Variants in C12orf42 observed in about 807,000 individuals in gnomAD.
C12orf42 encodes uncharacterized protein C12orf42.
C12orf42 carries 25 observed loss-of-function variants against 21.6 expected under a neutral mutation model. The observed-to-expected ratio is 1.16, with a 90% CI of 0.84 to 1.62. The LOEUF (loss-of-function observed/expected upper bound fraction) is 1.62. C12orf42 is among the 40% of genes most tolerant of loss of function. The probability of loss-of-function intolerance (pLI) is 0.00; values close to 1 mark genes in which losing one functional copy is unlikely to be tolerated. For synonymous variants in C12orf42, 174 were observed against 175.0 expected (o/e 0.99, Z 0.05); for missense variants, 483 against 459.3 (o/e 1.05, Z -0.47).
chr12:103,271,954 A>G (rs2035499787), intron 5 of C12orf42, among the ~76,000 whole-genome samples: 1 of 152,186 alleles, frequency 6.6e-6, no homozygotes, highest in Admixed American at 6.5e-5. Context: ...TAGCTCTATT[A>G]CCAACTCTGT....
chr12:103,185,911 A>G, the C12orf42 span, among the ~76,000 whole-genome samples: 1 of 152,156 alleles, frequency 6.6e-6, no homozygotes, highest in Non-Finnish European at 1.5e-5. Context: ...CAGCAGCATG[A>G]AAATGTACTA....
the C12orf42 span, among the ~76,000 whole-genome samples, chr12:103,140,523 C>T: frequency 2.0e-5 from 3 of 152,080 alleles, no homozygotes; most frequent in South Asian, 2.1e-4. Flanking sequence ...TGGCCAACAC[C>T]GCAAAAGAGT....
downstream of C12orf42, among the ~76,000 whole-genome samples, chr12:103,232,710 CAAA>C (rs36070550): frequency 1.7e-5 from 2 of 115,340 alleles, no homozygotes; most frequent in Admixed American, 9.5e-5. Flanking sequence ...GACTCCGTCT[CAAA>C]AAAAAAAAAA....
the C12orf42 span, among the ~76,000 whole-genome samples, chr12:103,133,175 G>A: frequency 8.5e-5 from 13 of 152,220 alleles, no homozygotes; most frequent in African/African-American, 1.7e-4. Flanking sequence ...CCACCACAGC[G>A]GGCTCCCATC....
chr12:103,276,382 G>A (rs186009281), intron 5 of C12orf42, among the ~76,000 whole-genome samples: 5 of 152,196 alleles, frequency 3.3e-5, no homozygotes, highest in Non-Finnish European at 1.5e-5. Context: ...GTTAATCCTT[G>A]ATAATTACTT....
chr12:103,131,525 T>C, the C12orf42 span, among the ~76,000 whole-genome samples: 1 of 152,250 alleles, frequency 6.6e-6, no homozygotes, highest in East Asian at 1.9e-4. Flanking sequence ...AATAGAATCA[T>C]CTGTAGTTGA....
Position 103,251,070 on chromosome 12 carries a change from G to A in C12orf42, c.*1366+12256C>T, listed in dbSNP as rs547312192. 3.9e-5 allele frequency among the ~76,000 whole-genome samples: 6 copies of A among 152,236 alleles called. No individual in the cohort carries two copies. In the East Asian group the frequency reaches 9.6e-4, roughly 24 times the overall value. ...CACCTAGTGTTTATCAAGCAACTGT[G>A]ATATGCCATTCACTACTTGATATGC... On this transcript the variant is annotated intron_variant and NMD_transcript_variant, in intron 10 of 10. Transcript: ENST00000547347.
At chr12:103,163,085 C>T in the C12orf42 span, 1 of 152,210 alleles carries the variant, frequency 6.6e-6, no homozygotes, top group African/African-American at 2.4e-5. Flanking sequence ...AATTGCCCAA[C>T]TTCAGAGTTC....
the C12orf42 span, among the ~76,000 whole-genome samples, chr12:103,183,078 C>G: frequency 9.2e-5 from 14 of 152,174 alleles, no homozygotes; most frequent in African/African-American, 3.1e-4. Context: ...TTCTCTTGCT[C>G]TATTTCATTT....
At chr12:103,201,400 G>A in the C12orf42 span, among the ~76,000 whole-genome samples, 510 of 152,056 alleles carry the variant, frequency 3.4e-3, 11 homozygotes, top group Admixed American at 0.028. Context: ...GGGCATTGTC[G>A]GATATCCTAT....
the C12orf42 span, among the ~76,000 whole-genome samples, chr12:103,525,695 C>T: frequency 1.3e-5 from 2 of 152,116 alleles, no homozygotes; most frequent in Non-Finnish European, 2.9e-5. Flanking sequence ...CTGACACCTA[C>T]AGCAGTCAAA....
downstream of C12orf42, among the ~76,000 whole-genome samples, chr12:103,298,294 A>T (rs961539584): frequency 6.6e-6 from 1 of 152,226 alleles, no homozygotes; most frequent in Non-Finnish European, 1.5e-5. Context: ...AATCACAAGC[A>T]TTCCTATACA....
the C12orf42 span, among the ~76,000 whole-genome samples, chr12:103,562,438 A>G: frequency 6.6e-6 from 1 of 152,150 alleles, no homozygotes; most frequent in Admixed American, 6.5e-5. Flanking sequence ...TTGCCAAATG[A>G]ATTATCATTA....
chr12:103,393,741 T>C (rs536759125), intron 3 of C12orf42, among the ~76,000 whole-genome samples: 3 of 152,296 alleles, frequency 2.0e-5, no homozygotes, highest in Admixed American at 6.5e-5. Context: ...ATACAATTTA[T>C]TGAATGAATG....
chr12:103,417,410 C>T (rs937333779), intron 2 of C12orf42, among the ~76,000 whole-genome samples: 1 of 152,200 alleles, frequency 6.6e-6, no homozygotes, highest in African/African-American at 2.4e-5. Context: ...ACCAGAGGTT[C>T]TTCATACTCC....
At chr12:103,365,309 T>C (rs971397780) in intron 4 of C12orf42, among the ~76,000 whole-genome samples, 4 of 152,074 alleles carry the variant, frequency 2.6e-5, no homozygotes, top group East Asian at 1.9e-4. Context: ...AAAATTGGCA[T>C]ACAAGTGACA....
the C12orf42 span, among the ~76,000 whole-genome samples, chr12:103,069,544 C>T: frequency 6.6e-6 from 1 of 152,094 alleles, no homozygotes; most frequent in African/African-American, 2.4e-5. Context: ...TTTATTAAAT[C>T]TTGTTCTGAA....
chr12:103,085,499 G>T, the C12orf42 span, among the ~76,000 whole-genome samples: 1 of 151,804 alleles, frequency 6.6e-6, no homozygotes, highest in Admixed American at 6.6e-5. Flanking sequence ...CAATTCTTTT[G>T]AGGAGTCACT....
intron 4 of C12orf42, among the ~76,000 whole-genome samples, chr12:103,354,552 T>C (rs2043359996): frequency 6.6e-6 from 1 of 152,160 alleles, no homozygotes; most frequent in African/African-American, 2.4e-5. Context: ...CTGTAAGACT[T>C]TATCCATATT....
Sources: gnomAD v4.1 joint callset for allele counts (sites outside exome capture counted in the v4.1 genomes callset) on GRCh38, gnomAD v4.1.1 for gene constraint, MANE v1.5 for transcripts, NCBI Gene and HGNC (gene_info 2026-07-23, HGNC 2026-07-21) for gene names.